The following KHDRBS2 variants were observed in gnomAD, a reference collection of about 807,000 sequenced individuals.
The protein encoded by KHDRBS2 is KH domain-containing, RNA-binding, signal transduction-associated protein 2.
A neutral mutation model predicts 44.3 loss-of-function variants in KHDRBS2; 26 were observed. That is an observed-to-expected ratio of 0.59 (90% CI 0.43 to 0.81). The LOEUF (loss-of-function observed/expected upper bound fraction) is 0.81, where lower values mean the gene tolerates loss of function less well. Ranked by LOEUF, KHDRBS2 falls within the 40% of genes least tolerant of loss-of-function variation. KHDRBS2 has a pLI of 0.00. For missense variants in KHDRBS2, 476 were observed against 433.1 expected (o/e 1.10, Z -0.88); for synonymous variants, 194 against 151.1 (o/e 1.28, Z -2.08).
At chr6:61,791,828 T>C (rs1326267374) in intron 6 of KHDRBS2, among the ~76,000 whole-genome samples, 3 of 151,574 alleles carry the variant, frequency 2.0e-5, no homozygotes, top group South Asian at 2.1e-4. Flanking sequence ...TTTCCTGATA[T>C]ATACATATTT....
At chr6:62,113,671 G>A (rs9346094) in intron 2 of KHDRBS2, among the ~76,000 whole-genome samples, 76,952 of 151,824 alleles carry the variant, frequency 0.51, 19,916 homozygotes, top group Non-Finnish European at 0.55. Flanking sequence ...TTTTTTAAAT[G>A]TGTAAAATAT....
rs189123808 is a variant in KHDRBS2 at position 61,881,014 on chromosome 6, T to C, written c.810+13621A>G. Among the ~76,000 whole-genome samples, 345 of 152,008 alleles carry C rather than the reference T, an allele frequency of 2.3e-3. 2 individuals are homozygous for C. The highest frequency in any genetic ancestry group is 8.1e-3 in the African/African-American group (336 of 41,516). Reference sequence around the variant, plus strand: ...GCAGGGATTGTGTGCAGCTTCTAGATGGCCATTAAGTTTCAGAGGAGGAAA... The same window carrying C: ...GCAGGGATTGTGTGCAGCTTCTAGACGGCCATTAAGTTTCAGAGGAGGAAA... On this transcript the variant is annotated intron_variant, in intron 6 of 8. Coordinates refer to ENST00000281156, the MANE Select transcript of KHDRBS2 (RefSeq NM_152688.4).
At chr6:62,166,296 A>G (rs1470789645) in intron 2 of KHDRBS2, among the ~76,000 whole-genome samples, 6 of 152,024 alleles carry the variant, frequency 3.9e-5, no homozygotes, top group Non-Finnish European at 8.8e-5. Context: ...ACTAATGCTC[A>G]ACACTTGGTA....
chr6:61,869,579 G>T (rs1028957806), intron 6 of KHDRBS2, among the ~76,000 whole-genome samples: 1 of 152,150 alleles, frequency 6.6e-6, no homozygotes, highest in Non-Finnish European at 1.5e-5. Flanking sequence ...TGGCAAGATG[G>T]TAAAATAGGA....
chr6:61,747,778 A>G (rs550892016), intron 6 of KHDRBS2, among the ~76,000 whole-genome samples: 2 of 152,182 alleles, frequency 1.3e-5, no homozygotes, highest in African/African-American at 4.8e-5. Flanking sequence ...CCTCTGGTAC[A>G]TAAGAGTAAA....
chr6:61,587,373 C>CTCTT, the KHDRBS2 span, among the ~76,000 whole-genome samples: 1 of 151,766 alleles, frequency 6.6e-6, no homozygotes, highest in Non-Finnish European at 1.5e-5. Flanking sequence ...ATCTCTCTCT[C>CTCTT]TCTCTCTCTG....
intron 4 of KHDRBS2, among the ~76,000 whole-genome samples, chr6:61,907,014 A>G (rs138315950): frequency 6.6e-6 from 1 of 152,268 alleles, no homozygotes; most frequent in African/African-American, 2.4e-5. Flanking sequence ...GTACAAATTT[A>G]CATTCCCACC....
At chr6:61,939,546 G>A (rs1249092557) in intron 4 of KHDRBS2, among the ~76,000 whole-genome samples, 1 of 131,126 alleles carries the variant, frequency 7.6e-6, no homozygotes, top group African/African-American at 2.5e-5. Context: ...TGAACAATGG[G>A]TAAAAAAAAC....
At chr6:61,581,738 G>C in the KHDRBS2 span, among the ~76,000 whole-genome samples, 1 of 150,958 alleles carries the variant, frequency 6.6e-6, no homozygotes, top group Middle Eastern at 3.5e-3. Context: ...TTTTGAGACA[G>C]CCCAAGGAAA....
intron 2 of KHDRBS2, among the ~76,000 whole-genome samples, chr6:62,135,000 T>C (rs145619012): frequency 4.6e-5 from 7 of 152,050 alleles, no homozygotes; most frequent in Non-Finnish European, 7.4e-5. Flanking sequence ...CTGAAATGAG[T>C]TGAGACTTTG....
chr6:62,200,781 C>T (rs565574372), intron 1 of KHDRBS2, among the ~76,000 whole-genome samples: 2 of 152,110 alleles, frequency 1.3e-5, no homozygotes, highest in Admixed American at 6.6e-5. Flanking sequence ...AGGACACATG[C>T]ACATGTATGT....
intron 3 of KHDRBS2, among the ~76,000 whole-genome samples, chr6:61,982,553 C>A (rs1277420242): frequency 2.6e-5 from 4 of 151,800 alleles, no homozygotes; most frequent in Non-Finnish European, 5.9e-5. Flanking sequence ...TGCCTGTAAT[C>A]CCAGCTACTC....
At chr6:61,679,058 C>T (rs1327357516), downstream of KHDRBS2, 4 of 151,806 alleles carry the variant, frequency 2.6e-5, no homozygotes, top group Admixed American at 2.0e-4. Context: ...CTTCATAATA[C>T]GATTAGCATG....
At chr6:62,117,773 C>A (rs1806620323) in intron 2 of KHDRBS2, among the ~76,000 whole-genome samples, 1 of 151,870 alleles carries the variant, frequency 6.6e-6, no homozygotes, top group South Asian at 2.1e-4. Flanking sequence ...CATTTTGACT[C>A]AAATATTTTA....
chr6:62,020,860 C>T (rs1426993358), intron 3 of KHDRBS2, among the ~76,000 whole-genome samples: 12 of 151,910 alleles, frequency 7.9e-5, no homozygotes, highest in Admixed American at 5.3e-4. Context: ...AGAACTTGAT[C>T]CGGCTATCCC....
intron 6 of KHDRBS2, among the ~76,000 whole-genome samples, chr6:61,863,780 T>C (rs1259884320): frequency 6.6e-6 from 1 of 152,204 alleles, no homozygotes; most frequent in Non-Finnish European, 1.5e-5. Flanking sequence ...TGGAGAGTTC[T>C]ATAGATATCT....
At chr6:61,821,669 T>C (rs2127252290) in intron 6 of KHDRBS2, among the ~76,000 whole-genome samples, 1 of 152,122 alleles carries the variant, frequency 6.6e-6, no homozygotes, top group East Asian at 1.9e-4. Context: ...AGACTCATTT[T>C]ACTGCTGCAA....
At chr6:61,821,339 C>A (rs1789882630) in intron 6 of KHDRBS2, among the ~76,000 whole-genome samples, 1 of 151,926 alleles carries the variant, frequency 6.6e-6, no homozygotes, top group South Asian at 2.1e-4. Flanking sequence ...TTTTAGTAAA[C>A]TTTCAAGATA....
intron 2 of KHDRBS2, among the ~76,000 whole-genome samples, chr6:62,060,084 A>T (rs1311495691): frequency 6.6e-6 from 1 of 151,806 alleles, no homozygotes; most frequent in Non-Finnish European, 1.5e-5. Context: ...ACAGGAGAGA[A>T]GGGTGCTGAT....
Sources: allele counts gnomAD v4.1 joint callset (sites outside exome capture counted in the v4.1 genomes callset), GRCh38; gene constraint gnomAD v4.1.1; transcripts MANE v1.5; gene names NCBI Gene and HGNC (gene_info 2026-07-23, HGNC 2026-07-21).